SNED1: variants seen among roughly 807,000 people sequenced by gnomAD.
SNED1 encodes sushi, nidogen and EGF-like domain-containing protein 1.
Under a neutral mutation model 166.7 loss-of-function variants are expected in SNED1, and 81 were observed. The ratio of observed to expected loss-of-function variants is 0.49; its 90% confidence interval spans 0.41 to 0.58. The LOEUF (loss-of-function observed/expected upper bound fraction) is 0.58. Among genes scored for constraint, SNED1 ranks in the 20% least tolerant of loss-of-function variants. SNED1 has a pLI of 0.00. For synonymous variants in SNED1, 762 were observed against 822.0 expected, an observed-to-expected ratio of 0.93 and a Z score of 1.25; for missense variants, 1,604 against 2,000.2, an observed-to-expected ratio of 0.80 and a Z score of 3.78.
At chr2:241,059,565 A>G (rs2062167932) in intron 16 of SNED1, among the ~76,000 whole-genome samples, 1 of 152,246 alleles carries the variant, frequency 6.6e-6, no homozygotes, top group South Asian at 2.1e-4. Flanking sequence ...GCTCAGTACT[A>G]TATAAAAGAA....
chr2:241,020,513 A>G (rs1366419541), intron 1 of SNED1, among the ~76,000 whole-genome samples: 1 of 152,148 alleles, frequency 6.6e-6, no homozygotes, highest in South Asian at 2.1e-4. Flanking sequence ...GGTAGCTGCC[A>G]TTTTTCTTGT....
intron 1 of SNED1, among the ~76,000 whole-genome samples, chr2:241,003,745 G>A (rs1221383201): frequency 6.6e-6 from 1 of 152,232 alleles, no homozygotes; most frequent in Non-Finnish European, 1.5e-5. Flanking sequence ...CAGGTGACCT[G>A]CTTAGAGAAG....
intron 28 of SNED1, among the ~76,000 whole-genome samples, 156 bp downstream of exon 28, chr2:241,081,949 G>C (rs1221343326): frequency 2.0e-5 from 3 of 152,204 alleles, no homozygotes; most frequent in Non-Finnish European, 4.4e-5. Context: ...GAGCCCCCAG[G>C]GGCTGCGCTG....
chr2:241,038,102 T>C (rs1012743363), intron 6 of SNED1, among the ~76,000 whole-genome samples: 5 of 143,804 alleles, frequency 3.5e-5, no homozygotes, highest in African/African-American at 5.2e-5. Context: ...CATCTCACCA[T>C]AGGGCTCTGC....
chr2:241,003,507 A>T (rs775066843), intron 1 of SNED1, among the ~76,000 whole-genome samples: 2 of 152,248 alleles, frequency 1.3e-5, no homozygotes, highest in African/African-American at 2.4e-5. Context: ...CCAAAGCAGA[A>T]GCAGTCCCAC....
Position 241,069,823 on chromosome 2 carries a change from C to A in SNED1, c.3308-97C>A. 1 of 1,401,362 alleles carries A rather than the reference C, an allele frequency of 7.1e-7. No individual in the cohort carries two copies. The highest frequency in any genetic ancestry group is 9.7e-7 in the Non-Finnish European group (1 of 1,028,110). The allele number at this position is 1,401,362 out of a possible 1,614,324, so 86.8% of individuals were successfully genotyped here. On this transcript the variant is annotated intron_variant, in intron 23 of 31. Transcript: ENST00000310397. The surrounding 1 kb of genome is among the most constrained non-coding windows in gnomAD (Gnocchi z 4.9). ...CCATAATAAAGAATCTGGCTTCCAG[C>A]AAGGCTGCGGCAGCCCATGTCCGGT...
chr2:241,072,165 G>A, intron 26 of SNED1: 1 of 660,090 alleles, frequency 1.5e-6, no homozygotes, highest in Admixed American at 2.1e-5. Context: ...TTAGAAGCAG[G>A]TCTGAGACAT....
chr2:241,020,944 ACACCACGTCAACAG>A (rs1428912130), intron 1 of SNED1, among the ~76,000 whole-genome samples: 2 of 152,206 alleles, frequency 1.3e-5, no homozygotes, highest in Non-Finnish European at 2.9e-5. Flanking sequence ...CAGGCAGGAA[ACACCACGTCAACAG>A]CAATTCCACC....
At position 241,071,701 on chromosome 2, in the gene SNED1, A is replaced by ACCCCCCCC; in HGVS notation, c.3720_3721insCCCCCCCC (p.Thr1241ProfsTer19). On this transcript the variant is annotated frameshift_variant, in exon 25 of 32. Coordinates refer to ENST00000310397, the MANE Select transcript of SNED1 (RefSeq NM_001080437.3). LOFTEE classifies it high-confidence loss of function. Reference sequence around the variant, plus strand: ...GCTCAATGACCACAGCGCCCCCGAGACCCCCACCCAGCCCCCCAGGTACAT... The same window carrying ACCCCCCCC: ...GCTCAATGACCACAGCGCCCCCGAGACCCCCCCCCCCCCACCCAGCCCCCCAGGTACAT... 7.8e-7 allele frequency: 1 copy of ACCCCCCCC among 1,281,750 alleles called. No individual in the cohort carries two copies. Among genetic ancestry groups the ACCCCCCCC allele is most frequent in the Non-Finnish European group, 1.1e-6 (1 of 928,616 alleles). The allele number at this position is 1,281,750 out of a possible 1,614,324, so 79.4% of individuals were successfully genotyped here.
chr2:241,071,353 T>C, intron 24 of SNED1: 1 of 600,000 alleles, frequency 1.7e-6, no homozygotes, highest in Non-Finnish European at 3.0e-6. Context: ...GTGTCATGGC[T>C]GCGCATGGCT....
intron 12 of SNED1, 61 bp downstream of exon 12, chr2:241,049,994 C>T (rs533343388): frequency 1.7e-6 from 2 of 1,209,832 alleles, no homozygotes; most frequent in Admixed American, 1.7e-5. Flanking sequence ...CGCGGTCCGC[C>T]GTCCTGCTTC....
chr2:241,048,809 C>T lies in SNED1; in HGVS notation c.1504+43C>T, dbSNP rs776272575. 23 of 1,490,370 alleles carry T rather than the reference C, an allele frequency of 1.5e-5. No individual in the cohort carries two copies. The East Asian group carries it at 5.4e-4, about 35-fold the overall frequency. 92.3% of individuals were successfully genotyped at this position (1,490,370 alleles called of 1,614,324 possible). A position where few individuals can be genotyped will look rare whatever the true frequency, so the allele number is the denominator to read the frequency against. On this transcript the variant is annotated intron_variant, in intron 10 of 31. Coordinates refer to ENST00000310397, the MANE Select transcript of SNED1 (RefSeq NM_001080437.3). ...CCTTCCTGCCCTGTCCCTGAGCATCCTCATAATCGGGAAATGAATGGTGGC... is the reference window on the plus strand; with the variant it reads ...CCTTCCTGCCCTGTCCCTGAGCATCTTCATAATCGGGAAATGAATGGTGGC...
rs2064211168 is a variant in SNED1, at chr2:241,093,904, C to T, written c.*2268C>T. The stretch of plus-strand genomic sequence containing the variant: ...GTCAGGAGCATAAAGATTTCTGTAT[C>T]AAAATGAAAGAAGCAATCCTGAGTT... On this transcript the variant is annotated 3_prime_UTR_variant, in exon 32 of 32. Transcript: ENST00000310397. 6.5e-6 allele frequency: 1 copy of T among 153,248 alleles called. No homozygotes were observed. The highest frequency in any genetic ancestry group is 1.5e-5 in the Non-Finnish European group (1 of 68,772). 9.5% of individuals were successfully genotyped at this position (153,248 alleles called of 1,614,324 possible). A position where few individuals can be genotyped will look rare whatever the true frequency, so the allele number is the denominator to read the frequency against.
At chr2:241,077,074 G>A (rs569116934) in intron 27 of SNED1, among the ~76,000 whole-genome samples, 70 of 139,550 alleles carry the variant, frequency 5.0e-4, no homozygotes, top group African/African-American at 1.9e-3. Context: ...GCGAGACTCC[G>A]TCTCAAAAAA....
chr2:241,072,149 A>C, intron 26 of SNED1: 1 of 677,252 alleles, frequency 1.5e-6, no homozygotes, highest in East Asian at 2.9e-5. Flanking sequence ...AGAGAAGATA[A>C]ACATTTTAGA....
intron 3 of SNED1, 86 bp from the exon 4 acceptor site, chr2:241,034,482 C>T (rs2061283914): frequency 3.1e-6 from 4 of 1,298,408 alleles, no homozygotes; most frequent in Non-Finnish European, 4.2e-6. Flanking sequence ...CCGACCCTGG[C>T]AGGAACATGG....
At chr2:241,055,126 AAAG>A (rs1429219833) in intron 16 of SNED1, among the ~76,000 whole-genome samples, 1 of 151,498 alleles carries the variant, frequency 6.6e-6, no homozygotes, top group African/African-American at 2.5e-5. Flanking sequence ...CAAAAAAAAA[AAAG>A]AAAAAATATT....
chr2:241,007,582 T>C (rs4675834), intron 1 of SNED1, among the ~76,000 whole-genome samples: 136,246 of 152,298 alleles, frequency 0.89, 61,081 homozygotes, highest in African/African-American at 0.96. Flanking sequence ...TGGGATGATA[T>C]ATCCGTAATT....
At position 241,051,776 on chromosome 2, in the gene SNED1, C is replaced by T. The variant is rs1417380273; in HGVS notation, c.1768C>T (p.Arg590Trp). The change falls in exon 13 of 32, where the codon CGG (arginine) becomes TGG (tryptophan). Residue 590 changes from arginine (R) to tryptophan (W), a missense_variant. Physicochemically the swap from Arg to Trp is moderately radical, Grantham distance 101 (BLOSUM62 -3). This residue lies in a region of SNED1 where 1,237 missense variants were observed against 1,620.8 expected (regional missense o/e 0.76). Coordinates refer to ENST00000310397, the MANE Select transcript of SNED1 (RefSeq NM_001080437.3). This position sits in a 1 kb window ranked among gnomAD's most constrained non-coding sequence, Gnocchi z 4.7. ...RPHLCSSGPC[R>W]NGGTCKEAGG... ...ACACCTGTGCAGCTCAGGGCCCTGC[C>T]GGAACGGGGGCACGTGCAAGGAGGC... is the stretch of plus-strand genomic sequence containing the variant. The T allele has an allele frequency of 3.2e-6, 5 of 1,547,866 alleles. No individual in the cohort carries two copies. The highest frequency in any genetic ancestry group is 4.8e-5 in the East Asian group (2 of 41,500).
Sources: gnomAD v4.1 joint callset for allele counts (sites outside exome capture counted in the v4.1 genomes callset) on GRCh38, gnomAD v4.1.1 for gene constraint, gnomAD v4.1.1 regional missense constraint, Gnocchi (gnomAD v3.1) non-coding constraint, MANE v1.5 for transcripts, NCBI Gene and HGNC (gene_info 2026-07-23, HGNC 2026-07-21) for gene names.